The following HIP1 variants were observed in gnomAD, a reference collection of about 807,000 sequenced individuals.
HIP1 encodes the protein huntingtin interacting protein 1.
A neutral mutation model predicts 147.6 loss-of-function variants in HIP1; 65 were observed. That is an observed-to-expected ratio of 0.44 (90% CI 0.36 to 0.54). The LOEUF is 0.54. Ranked by LOEUF, HIP1 falls within the 20% of genes least tolerant of loss-of-function variation. HIP1 has a pLI of 0.00. For missense variants in HIP1, 1,061 were observed against 1,299.6 expected (o/e 0.82, Z 2.82); for synonymous variants, 479 against 504.0 (o/e 0.95, Z 0.67).
chr7:75,588,787 A>C (rs906421755), intron 4 of HIP1, among the ~76,000 whole-genome samples: 3 of 151,996 alleles, frequency 2.0e-5, no homozygotes, highest in African/African-American at 2.4e-5. Context: ...CAGCAACAAC[A>C]ACCACCTTCC....
At chr7:75,614,737 C>G (rs1031094094) in intron 1 of HIP1, among the ~76,000 whole-genome samples, 1 of 136,842 alleles carries the variant, frequency 7.3e-6, no homozygotes, top group East Asian at 2.1e-4. Context: ...TGTATTTTGT[C>G]ACAGGAAAAA....
chr7:75,549,057 C>T, intron 22 of HIP1, 56 bp from the exon 23 acceptor site: 1 of 1,243,172 alleles, frequency 8.0e-7, no homozygotes, highest in Non-Finnish European at 1.2e-6. Context: ...CTCTTCTCCT[C>T]TGCCATCTGT....
chr7:75,687,586 G>A (rs1800305734), intron 1 of HIP1, among the ~76,000 whole-genome samples: 1 of 152,182 alleles, frequency 6.6e-6, no homozygotes, highest in African/African-American at 2.4e-5. Context: ...AGCTACATGG[G>A]AGGCTGAGGC....
At chr7:75,558,530 T>A (rs1342693839) in intron 14 of HIP1, among the ~76,000 whole-genome samples, 2 of 152,200 alleles carry the variant, frequency 1.3e-5, no homozygotes, top group Non-Finnish European at 2.9e-5. Context: ...GGTCTCACTA[T>A]GTTTTCCAGG....
At chr7:75,704,432 T>C (rs571900527) in intron 1 of HIP1, among the ~76,000 whole-genome samples, 2 of 152,136 alleles carry the variant, frequency 1.3e-5, no homozygotes, top group Admixed American at 6.6e-5. Context: ...TTAGTAGAGA[T>C]AGGGTTTCTT....
chr7:75,611,755 C>T, intron 1 of HIP1: 1 of 1,037,392 alleles, frequency 9.6e-7, no homozygotes, highest in Non-Finnish European at 1.2e-6. Context: ...TAAGACCAAG[C>T]CGTGTCTCCC....
intron 1 of HIP1, among the ~76,000 whole-genome samples, chr7:75,616,511 G>A (rs926359562): frequency 7.2e-5 from 11 of 151,844 alleles, no homozygotes; most frequent in African/African-American, 2.7e-4. Context: ...GGCTTCTAGC[G>A]ATCCTCCCAC....
chr7:75,711,804 C>T (rs1025852131), intron 1 of HIP1, among the ~76,000 whole-genome samples: 2 of 152,126 alleles, frequency 1.3e-5, no homozygotes, highest in Non-Finnish European at 2.9e-5. Context: ...CTCAGGGCCT[C>T]ATCCCTTATC....
intron 22 of HIP1, among the ~76,000 whole-genome samples, chr7:75,550,646 CAAGTGATCCTCCCGCTTCGGCCTCCCA>C (rs1319646256): frequency 6.6e-6 from 1 of 152,176 alleles, no homozygotes; most frequent in Admixed American, 6.6e-5. Context: ...CTCCTGGCCT[CAAGTGATCCTCCCGCTTCGGCCTCCCA>C]AAGTGCTGGG....
chr7:75,683,864 TCGAA>T, intron 1 of HIP1, among the ~76,000 whole-genome samples: 1 of 151,472 alleles, frequency 6.6e-6, no homozygotes, highest in Non-Finnish European at 1.5e-5. Flanking sequence ...GGAGCTTGGG[TCGAA>T]TCCTTGCTCT....
At chr7:75,654,095 C>T (rs533991065) in intron 1 of HIP1, among the ~76,000 whole-genome samples, 1 of 152,186 alleles carries the variant, frequency 6.6e-6, no homozygotes, top group African/African-American at 2.4e-5. Flanking sequence ...CCAAGGTTTC[C>T]TCTAAGAAAC....
chr7:75,563,848 A>C (rs1248308711), intron 9 of HIP1, among the ~76,000 whole-genome samples: 1 of 152,186 alleles, frequency 6.6e-6, no homozygotes, highest in East Asian at 1.9e-4. Context: ...CTATGTCCTA[A>C]TCTTGGGTGG....
chr7:75,703,877 CTGTGTGTG>C (rs1800912479), intron 1 of HIP1, among the ~76,000 whole-genome samples: 2 of 152,248 alleles, frequency 1.3e-5, no homozygotes, highest in South Asian at 4.1e-4. Context: ...AGACCACTGA[CTGTGTGTG>C]CCTCAGGGGT....
chr7:75,534,204 T>G lies in HIP1; in HGVS notation c.*3968A>C. On this transcript the variant is annotated 3_prime_UTR_variant, in exon 31 of 31. Coordinates refer to ENST00000336926, the MANE Select transcript of HIP1 (RefSeq NM_005338.7). ...GTGATTCCCGTGTTACCTGGTGGCA[T>G]AAACCTTGGTGTCTGACTTGGTAGC... 1 of 226,704 alleles carries G rather than the reference T, an allele frequency of 4.4e-6. No individual in the cohort carries two copies. The highest frequency in any genetic ancestry group is 2.2e-5 in the African/African-American group (1 of 45,074). 14.0% of individuals were successfully genotyped at this position (226,704 alleles called of 1,614,324 possible). A position where few individuals can be genotyped will look rare whatever the true frequency, so the allele number is the denominator to read the frequency against.
chr7:75,738,924 G>T lies in HIP1; in HGVS notation c.-4C>A. The T allele has an allele frequency of 2.6e-6, 4 of 1,541,122 alleles. No homozygotes were observed. In the South Asian group the frequency reaches 3.6e-5, roughly 14 times the overall value. On this transcript the variant is annotated 5_prime_UTR_variant, in exon 1 of 31. Transcript: ENST00000336926. The stretch of plus-strand genomic sequence containing the variant: ...TGGAGCTGGCCATCCGATCCATGTC[G>T]CCGCGAGGAGCCGAGTCAGGGGCCC...
At chr7:75,540,177 C>T (rs1383628923) in intron 29 of HIP1, among the ~76,000 whole-genome samples, 1 of 152,094 alleles carries the variant, frequency 6.6e-6, no homozygotes, top group Non-Finnish European at 1.5e-5. Context: ...CCCGTAATCC[C>T]AGCACTTTGG....
intron 8 of HIP1, among the ~76,000 whole-genome samples, chr7:75,571,152 A>AAC (rs869128283): frequency 6.6e-6 from 1 of 151,826 alleles, no homozygotes; most frequent in African/African-American, 2.4e-5. Flanking sequence ...CCAAACACTT[A>AAC]TACCTGTCTC....
intron 1 of HIP1, among the ~76,000 whole-genome samples, chr7:75,604,302 G>C (rs1343311593): frequency 1.3e-5 from 2 of 152,200 alleles, no homozygotes; most frequent in African/African-American, 4.8e-5. Context: ...CCTGGACATG[G>C]TTAAGTTCCA....
rs237241 is a variant in HIP1 at position 75,580,730 on chromosome 7, C to T, written c.604+507G>A. On this transcript the variant is annotated intron_variant, in intron 7 of 30. Transcript: ENST00000336926. ...ATCCAGCCTGGGCGACAGAGTGAGA[C>T]CTTCTCTCTCTCTCTCTCTTTTTTC... Among the ~76,000 whole-genome samples the T allele has an allele frequency of 7.3e-5, 11 of 151,690 alleles. No homozygotes were observed. In the South Asian group the frequency reaches 2.3e-3, roughly 32 times the overall value.
Sources: allele counts gnomAD v4.1 joint callset (sites outside exome capture counted in the v4.1 genomes callset), GRCh38; gene constraint gnomAD v4.1.1; transcripts MANE v1.5; gene names NCBI Gene and HGNC (gene_info 2026-07-23, HGNC 2026-07-21).